The following ALPK2 variants were observed in gnomAD, a reference collection of about 807,000 sequenced individuals.
ALPK2 encodes alpha kinase 2.
Under a neutral mutation model 163.1 loss-of-function variants are expected in ALPK2, and 127 were observed. The ratio of observed to expected loss-of-function variants is 0.78; its 90% CI spans 0.67 to 0.90. The LOEUF is 0.90. Among genes scored for constraint, ALPK2 ranks in the 40% least tolerant of loss-of-function variants. ALPK2 has a pLI of 0.00. For missense variants in ALPK2, 2,360 were observed against 2,589.6 expected (o/e 0.91, Z 1.92); for synonymous variants, 953 against 959.1 (o/e 0.99, Z 0.12).
At position 58,613,710 on chromosome 18, in the gene ALPK2, ATAATAATAAT is replaced by A. The variant is rs1390527091; in HGVS notation, c.-20-1903_-20-1894del. Among the ~76,000 whole-genome samples, 180 of 84,774 alleles carry A rather than the reference ATAATAATAAT, an allele frequency of 2.1e-3. 7 individuals carry two copies. Among genetic ancestry groups the A allele is most frequent in the African/African-American group, 5.3e-3 (147 of 27,900 alleles). 55.6% of individuals were successfully genotyped at this position (84,774 alleles called of 152,430 possible). On this transcript the variant is annotated intron_variant, in intron 1 of 12. Transcript: ENST00000361673. ...CAAGACTCCATCTCAAAAAAAAAAA[ATAATAATAAT>A]AATAATAATAATAATAATAATAATA...
intron 6 of ALPK2, among the ~76,000 whole-genome samples, chr18:58,526,459 C>A (rs775248848): frequency 6.6e-6 from 1 of 152,196 alleles, no homozygotes; most frequent in Non-Finnish European, 1.5e-5. Flanking sequence ...TCCACTGGTT[C>A]CCAGCGGGAA....
intron 11 of ALPK2, among the ~76,000 whole-genome samples, chr18:58,500,804 C>T (rs1217313694): frequency 2.6e-5 from 4 of 151,834 alleles, no homozygotes; most frequent in Non-Finnish European, 5.9e-5. Context: ...AGCTCATTCT[C>T]CAGAATTCAA....
At chr18:58,505,692 C>T (rs767634963) in intron 10 of ALPK2, among the ~76,000 whole-genome samples, 1 of 152,146 alleles carries the variant, frequency 6.6e-6, no homozygotes, top group African/African-American at 2.4e-5. Context: ...AACGCAAATC[C>T]GCTGTAGACT....
chr18:58,521,623 C>CTTTTTTTTTTTTT (rs1568073274), intron 8 of ALPK2, among the ~76,000 whole-genome samples: 1 of 54,418 alleles, frequency 1.8e-5, no homozygotes, highest in Non-Finnish European at 3.9e-5. Flanking sequence ...TTCTTTCTCT[C>CTTTTTTTTTTTTT]TCTCTTTTTT....
intron 4 of ALPK2, among the ~76,000 whole-genome samples, chr18:58,551,514 G>T (rs942845227): frequency 2.0e-5 from 3 of 152,166 alleles, no homozygotes; most frequent in Non-Finnish European, 4.4e-5. Flanking sequence ...AATTATATCT[G>T]CAGTTTCCAT....
At chr18:58,502,543 A>G (rs551542209) in intron 11 of ALPK2, among the ~76,000 whole-genome samples, 2 of 152,330 alleles carry the variant, frequency 1.3e-5, no homozygotes, top group East Asian at 1.9e-4. Flanking sequence ...CAGAACCCCA[A>G]GGTGGTCTTG....
At chr18:58,600,934 T>A (rs2052066165) in intron 3 of ALPK2, among the ~76,000 whole-genome samples, 1 of 152,198 alleles carries the variant, frequency 6.6e-6, no homozygotes, top group African/African-American at 2.4e-5. Flanking sequence ...GCATATTAAG[T>A]GCTCTTAATG....
intron 1 of ALPK2, among the ~76,000 whole-genome samples, chr18:58,623,104 G>A (rs2052210826): frequency 6.6e-6 from 1 of 152,206 alleles, no homozygotes; most frequent in South Asian, 2.1e-4. Context: ...AAGCAGTGGT[G>A]TGAGGACAGG....
intron 4 of ALPK2, among the ~76,000 whole-genome samples, chr18:58,558,132 T>C (rs2051804526): frequency 6.6e-6 from 1 of 152,182 alleles, no homozygotes; most frequent in Non-Finnish European, 1.5e-5. Context: ...GTGATATTGT[T>C]AGGGAGAAAT....
intron 12 of ALPK2, among the ~76,000 whole-genome samples, chr18:58,486,429 G>T (rs2051339242): frequency 6.6e-6 from 1 of 152,150 alleles, no homozygotes; most frequent in Admixed American, 6.5e-5. Flanking sequence ...AGGGGTGTAT[G>T]CGCCCCATCT....
At chr18:58,554,283 G>C (rs1440376182) in intron 4 of ALPK2, among the ~76,000 whole-genome samples, 2 of 152,214 alleles carry the variant, frequency 1.3e-5, no homozygotes, top group African/African-American at 4.8e-5. Flanking sequence ...CTATGTGGAA[G>C]ACAAAGGCAG....
At chr18:58,512,386 T>C (rs1382199039) in intron 10 of ALPK2, 2 of 152,180 alleles carry the variant, frequency 1.3e-5, no homozygotes, top group Non-Finnish European at 2.9e-5. Flanking sequence ...GAGTGTTTTA[T>C]CTCCAAGACC....
At chr18:58,580,779 G>A (rs1013803419) in intron 3 of ALPK2, 30 of 543,340 alleles carry the variant, frequency 5.5e-5, no homozygotes, top group East Asian at 4.9e-4. Flanking sequence ...TTTCCTCAAC[G>A]CTGCCTCAAA....
chr18:58,497,463 A>T (rs7227061), intron 12 of ALPK2, among the ~76,000 whole-genome samples: 1,989 of 152,208 alleles, frequency 0.013, 33 homozygotes, highest in African/African-American at 0.046. Context: ...AAATGTGATC[A>T]TAGCATCATC....
chr18:58,571,860 C>T (rs1466558671), intron 4 of ALPK2, among the ~76,000 whole-genome samples: 1 of 151,660 alleles, frequency 6.6e-6, no homozygotes, highest in Non-Finnish European at 1.5e-5. Context: ...CCTGTAATCC[C>T]AGCTACTTGG....
At position 58,564,364 on chromosome 18, in the gene ALPK2, C is replaced by A. The variant is rs184408525; in HGVS notation, c.1962+14450G>T. ...CTCCAACTCCCGACCTCAGGTGATT[C>A]GCCCACCTCGGCCTCTCAAAGTGCT... On this transcript the variant is annotated intron_variant, in intron 4 of 12. Transcript: ENST00000361673. Among the ~76,000 whole-genome samples, 14 of 151,970 alleles carry A rather than the reference C, an allele frequency of 9.2e-5. No individual in the cohort carries two copies. The East Asian group carries it at 2.7e-3, about 29-fold the overall frequency.
intron 4 of ALPK2, chr18:58,566,477 T>A (rs1243000613): frequency 2.0e-5 from 3 of 152,218 alleles, no homozygotes; most frequent in Non-Finnish European, 4.4e-5. Flanking sequence ...CAAATTCATC[T>A]TCTATCATAG....
chr18:58,555,094 T>G (rs2051783057), intron 4 of ALPK2, among the ~76,000 whole-genome samples: 1 of 152,232 alleles, frequency 6.6e-6, no homozygotes, highest in Admixed American at 6.5e-5. Context: ...GAAAATGGAC[T>G]AATACACAGC....
rs1182857090 is a variant in ALPK2, at chr18:58,580,543, G to T, written c.233C>A (p.Thr78Asn). The T allele has an allele frequency of 2.5e-6, 4 of 1,612,658 alleles. No homozygotes were observed. The highest frequency in any genetic ancestry group is 3.4e-6 in the Non-Finnish European group (4 of 1,179,210). ...TTGATAGACAGCAGCATCATTTTTG[G>T]TACAGCTAGGATGAAGAGAATATAT... The part of the protein sequence containing the change: ...YIHVLHLSCC[T>N]KNDAAVYQIS... The change falls in exon 4 of 13, where the codon ACC (threonine) becomes AAC (asparagine). Residue 78 changes from threonine (T) to asparagine (N), a missense_variant. Transcript: ENST00000361673.
Sources: gnomAD v4.1 joint callset for allele counts (sites outside exome capture counted in the v4.1 genomes callset) on GRCh38, gnomAD v4.1.1 for gene constraint, MANE v1.5 for transcripts, NCBI Gene and HGNC (gene_info 2026-07-23, HGNC 2026-07-21) for gene names.